Variants in GNAI1 observed in about 807,000 individuals in gnomAD.
GNAI1 encodes guanine nucleotide-binding protein G(i) subunit alpha-1.
Under a neutral mutation model 38.9 loss-of-function variants are expected in GNAI1, and 11 were observed. That is an observed-to-expected ratio of 0.28 (90% CI 0.18 to 0.47). The LOEUF is 0.47. Ranked by LOEUF, GNAI1 falls within the 20% of genes least tolerant of loss-of-function variation. The pLI, the probability that GNAI1 is intolerant of heterozygous loss-of-function variation, is 0.99. For missense variants in GNAI1, 317 were observed against 436.9 expected (o/e 0.73, Z 2.45); for synonymous variants, 166 against 145.1 (o/e 1.14, Z -1.04).
intron 4 of GNAI1, among the ~76,000 whole-genome samples, chr7:80,202,811 A>T: frequency 6.6e-6 from 1 of 152,198 alleles, no homozygotes; most frequent in East Asian, 1.9e-4. Flanking sequence ...AAGGCTTTAT[A>T]TAGCTTACTA....
At chr7:80,200,362 T>G (rs1462790834) in intron 4 of GNAI1, among the ~76,000 whole-genome samples, 1 of 125,700 alleles carries the variant, frequency 8.0e-6, no homozygotes, top group Non-Finnish European at 1.6e-5. Context: ...ATCAGGGAGC[T>G]TTCTGTTTGG....
At chr7:80,177,017 A>G (rs1403397437) in intron 1 of GNAI1, among the ~76,000 whole-genome samples, 1 of 144,838 alleles carries the variant, frequency 6.9e-6, no homozygotes, top group Non-Finnish European at 1.5e-5. Context: ...CATGGATGAC[A>G]GCATATCTTT....
intron 5 of GNAI1, among the ~76,000 whole-genome samples, chr7:80,207,576 C>T (rs1290739642): frequency 6.6e-6 from 1 of 152,068 alleles, no homozygotes; most frequent in Non-Finnish European, 1.5e-5. Flanking sequence ...TGTTAAATTA[C>T]TATCATTACT....
chr7:80,217,191 A>AATGGAACTGT, intron 7 of GNAI1, 112 bp from the exon 8 acceptor site: 1 of 152,438 alleles, frequency 6.6e-6, no homozygotes, highest in Non-Finnish European at 1.1e-5. Context: ...GGAGTCCATG[A>AATGGAACTGT]ATGAAACTGT....
chr7:80,151,177 G>T (rs1787719849), intron 1 of GNAI1, among the ~76,000 whole-genome samples: 1 of 152,132 alleles, frequency 6.6e-6, no homozygotes, highest in Admixed American at 6.5e-5. Flanking sequence ...TTCAGGGAGT[G>T]CCCTTCCACC....
intron 3 of GNAI1, among the ~76,000 whole-genome samples, chr7:80,190,992 A>C (rs1030652748): frequency 6.6e-6 from 1 of 151,752 alleles, no homozygotes; most frequent in Non-Finnish European, 1.5e-5. Context: ...TTGGAATCTT[A>C]TGTGGGCCTG....
chr7:80,148,411 C>T (rs547094552), intron 1 of GNAI1, among the ~76,000 whole-genome samples: 1 of 151,812 alleles, frequency 6.6e-6, no homozygotes, highest in South Asian at 2.1e-4. Flanking sequence ...CTTAGTGGCC[C>T]CTTTTGGAGA....
chr7:80,222,245 T>C lies in GNAI1; in HGVS notation c.*4752T>C, dbSNP rs1789091974. ...GGCCTCAACTGGAATAGTCCCACCA[T>C]GTAATAAATCTTCCTGAGTATTGTG... On this transcript the variant is annotated 3_prime_UTR_variant, in exon 8 of 8. Transcript: ENST00000649796. Among the ~76,000 whole-genome samples the C allele has an allele frequency of 6.6e-6, 1 of 152,106 alleles. No individual in the cohort carries two copies. Among genetic ancestry groups the C allele is most frequent in the African/African-American group, 2.4e-5 (1 of 41,430 alleles).
At chr7:80,201,577 TAGCC>T (rs1415407708) in intron 4 of GNAI1, among the ~76,000 whole-genome samples, 2 of 151,944 alleles carry the variant, frequency 1.3e-5, no homozygotes, top group Admixed American at 6.6e-5. Flanking sequence ...ATAAAAAATT[TAGCC>T]AGCATGGTGG....
At position 80,223,066 on chromosome 7, in the gene GNAI1, G is replaced by C. The variant is rs1789106723; in HGVS notation, c.*5573G>C. 6.6e-6 allele frequency among the ~76,000 whole-genome samples: 1 copy of C among 152,162 alleles called. No homozygotes were observed. Among genetic ancestry groups the C allele is most frequent in the African/African-American group, 2.4e-5 (1 of 41,444 alleles). ...AAAATGAAAAACAGATTGATTGCAT[G>C]GGTACTTGAAATATGGTTTCTAACT... On this transcript the variant is annotated 3_prime_UTR_variant, in exon 8 of 8. Coordinates refer to ENST00000649796, the MANE Select transcript of GNAI1 (RefSeq NM_002069.6).
rs1562836884 is a variant in GNAI1 at position 80,189,144 on chromosome 7, G to C, written c.216G>C (p.Val72=). The C allele has an allele frequency of 1.2e-6, 2 of 1,605,926 alleles. No individual in the cohort carries two copies. The highest frequency in any genetic ancestry group is 1.7e-6 in the Non-Finnish European group (2 of 1,176,196). ...AGGAGTGTAAACAATACAAAGCAGT[G>C]GTCTACAGTAACACCATCCAGTCAA... ...SEEECKQYKA[V]VYSNTIQSII... Residue 72 remains valine (V), a synonymous_variant, in exon 3 of 8, where the codon GTG becomes GTC. Transcript: ENST00000649796.
chr7:80,181,284 T>C (rs2115602402), intron 1 of GNAI1, among the ~76,000 whole-genome samples: 1 of 152,240 alleles, frequency 6.6e-6, no homozygotes, highest in Admixed American at 6.5e-5. Context: ...GAGTGGTAGA[T>C]GGAAAGGTCC....
intron 3 of GNAI1, 117 bp downstream of exon 3, chr7:80,189,348 C>A: frequency 2.4e-6 from 2 of 850,022 alleles, no homozygotes; most frequent in Middle Eastern, 2.7e-4. Context: ...TAAAAGGAAC[C>A]AAAAGGATAG....
rs1789079870 is a variant in GNAI1, at chr7:80,221,652, T to TTTTTTTTTTTTG, written c.*4168_*4169insTTGTTTTTTTTT. Among the ~76,000 whole-genome samples the TTTTTTTTTTTTG allele has an allele frequency of 7.0e-6, 1 of 143,126 alleles. No homozygotes were observed. Among genetic ancestry groups the TTTTTTTTTTTTG allele is most frequent in the Non-Finnish European group, 1.5e-5 (1 of 65,634 alleles). The allele number at this position is 143,126 out of a possible 152,430, so 93.9% of individuals were successfully genotyped here. ...GGAAATTTTCTTTTTTTTTTTTTTT[T>TTTTTTTTTTTTG]TTTTTTTTTGGTATGGAGTCTTGCT... On this transcript the variant is annotated 3_prime_UTR_variant, in exon 8 of 8. Coordinates refer to ENST00000649796, the MANE Select transcript of GNAI1 (RefSeq NM_002069.6).
At position 80,224,651 on chromosome 7, in the gene GNAI1, GAAGTA is replaced by G. The variant is rs1387378789; in HGVS notation, c.*7162_*7166del. ...GGCTGTGAAAAGCCAGTGCAGTAAA[GAAGTA>G]AAGAGCTCTCTGTGTGTTAACCCTC... On this transcript the variant is annotated 3_prime_UTR_variant, in exon 8 of 8. Transcript: ENST00000649796. Among the ~76,000 whole-genome samples, 1 of 152,188 alleles carries G rather than the reference GAAGTA, an allele frequency of 6.6e-6. No homozygotes were observed. The highest frequency in any genetic ancestry group is 2.4e-5 in the African/African-American group (1 of 41,454).
intron 1 of GNAI1, among the ~76,000 whole-genome samples, chr7:80,173,975 C>A (rs1186236721): frequency 6.6e-6 from 1 of 151,916 alleles, no homozygotes; most frequent in Admixed American, 6.6e-5. Flanking sequence ...TTAGGGCCCA[C>A]GTTGATAAGG....
At chr7:80,169,328 A>G (rs1405964923) in intron 1 of GNAI1, among the ~76,000 whole-genome samples, 2 of 152,196 alleles carry the variant, frequency 1.3e-5, no homozygotes, top group Non-Finnish European at 2.9e-5. Context: ...TTTCCTCCTG[A>G]GGGAATCCTT....
chr7:80,214,977 G>C (rs1371169347), intron 7 of GNAI1, among the ~76,000 whole-genome samples: 1 of 152,086 alleles, frequency 6.6e-6, no homozygotes, highest in Admixed American at 6.5e-5. Flanking sequence ...TTGGTTGGTT[G>C]GGTTGGTCGG....
intron 3 of GNAI1, 73 bp from the exon 4 acceptor site, chr7:80,199,152 A>G (rs1788635046): frequency 9.6e-7 from 1 of 1,036,696 alleles, no homozygotes; most frequent in Non-Finnish European, 1.4e-6. Context: ...TTTTAACTCT[A>G]GAATTGTCTC....
Sources: allele counts gnomAD v4.1 joint callset (sites outside exome capture counted in the v4.1 genomes callset), GRCh38; gene constraint gnomAD v4.1.1; transcripts MANE v1.5; gene names NCBI Gene and HGNC (gene_info 2026-07-23, HGNC 2026-07-21).